The following RAD51 variants were observed in gnomAD, a reference collection of about 807,000 sequenced individuals.
The protein encoded by RAD51 is DNA repair protein RAD51 homolog 1.
RAD51 carries 14 observed loss-of-function variants against 41.5 expected under a neutral mutation model. The ratio of observed to expected loss-of-function variants is 0.34; its 90% confidence interval spans 0.22 to 0.53. RAD51 has a LOEUF of 0.53. Among genes scored for constraint, RAD51 ranks in the 20% least tolerant of loss-of-function variants. RAD51 has a pLI of 0.95. For synonymous variants in RAD51, 136 were observed against 148.6 expected, an observed-to-expected ratio of 0.92 and a Z score of 0.62; for missense variants, 234 against 422.0, an observed-to-expected ratio of 0.55 and a Z score of 3.90.
chr15:40,716,514 C>T (rs1173737320), intron 5 of RAD51, among the ~76,000 whole-genome samples: 1 of 151,902 alleles, frequency 6.6e-6, no homozygotes, highest in African/African-American at 2.4e-5. Context: ...TACAGGTGTG[C>T]ACCACCACGC....
chr15:40,725,019 C>G (rs1447231422), intron 6 of RAD51, among the ~76,000 whole-genome samples: 1 of 151,224 alleles, frequency 6.6e-6, no homozygotes, highest in Non-Finnish European at 1.5e-5. Flanking sequence ...CCTGCCTCAG[C>G]CTCCCCAGTA....
In RAD51 at chr15:40,703,723, G is replaced by A. The variant is rs45501498; in HGVS notation, c.226-2454G>A. 2.1e-4 allele frequency among the ~76,000 whole-genome samples: 32 copies of A among 151,266 alleles called. 1 individual carries two copies. Among genetic ancestry groups the A allele is most frequent in the African/African-American group, 7.5e-4 (31 of 41,258 alleles). On this transcript the variant is annotated intron_variant, in intron 3 of 9. Transcript: ENST00000267868. Reference sequence around the variant, plus strand: ...TTTGAGTCTTTTCTCTTTTTTTCTCGGGCAATGCAGCTAAAAGTTTGTCAA... The same window carrying A: ...TTTGAGTCTTTTCTCTTTTTTTCTCAGGCAATGCAGCTAAAAGTTTGTCAA...
In RAD51 at chr15:40,731,725, T is replaced by A. The variant is rs569462838; in HGVS notation, c.*547T>A. The A allele has an allele frequency of 3.5e-5, 8 of 226,102 alleles. No individual in the cohort carries two copies. Among genetic ancestry groups the A allele is most frequent in the Admixed American group, 1.1e-4 (2 of 18,888 alleles). The allele number at this position is 226,102 out of a possible 1,614,324, so 14.0% of individuals were successfully genotyped here. A position where few individuals can be genotyped will look rare whatever the true frequency, so the allele number is the denominator to read the frequency against. On this transcript the variant is annotated 3_prime_UTR_variant, in exon 10 of 10. Coordinates refer to ENST00000267868, the MANE Select transcript of RAD51 (RefSeq NM_002875.5). ...GCCAAACCTACTAGGCCATTAGCCC[T>A]TCACCATCTACCTGCTTGGTCTTTC...
rs766971181 is a variant in RAD51 at position 40,728,807 on chromosome 15, C to G, written c.627C>G (p.Ala209=). 2 of 1,612,710 alleles carry G rather than the reference C, an allele frequency of 1.2e-6. No individual in the cohort carries two copies. The highest frequency in any genetic ancestry group is 1.7e-6 in the Non-Finnish European group (2 of 1,178,840). Residue 209 remains alanine (A), a synonymous_variant, in exon 7 of 10, where the codon GCC becomes GCG. Transcript: ENST00000267868. ...HQTQLLYQAS[A]MMVESRYALL... ...CCCAGCTCCTTTATCAAGCATCAGC[C>G]ATGATGGTAGAATCTAGGTATGTGT... is the stretch of plus-strand genomic sequence containing the variant.
intron 6 of RAD51, among the ~76,000 whole-genome samples, chr15:40,722,881 C>T (rs2412549): frequency 0.54 from 82,714 of 151,936 alleles, 22,918 homozygotes; most frequent in East Asian, 0.77. Context: ...TTAAAAACTT[C>T]TGTGCTTCAA....
chr15:40,698,208 G>C (rs1393981609), intron 1 of RAD51, among the ~76,000 whole-genome samples: 1 of 98,216 alleles, frequency 1.0e-5, no homozygotes, highest in Non-Finnish European at 2.1e-5. Context: ...TTTTTTTTTT[G>C]AGACACAGTC....
At chr15:40,707,749 G>T (rs1895443140) in intron 4 of RAD51, among the ~76,000 whole-genome samples, 1 of 151,854 alleles carries the variant, frequency 6.6e-6, no homozygotes, top group Non-Finnish European at 1.5e-5. Context: ...ACAGAGTCTT[G>T]CTCTGTTGCC....
chr15:40,722,999 T>C (rs1437382219), intron 6 of RAD51, among the ~76,000 whole-genome samples: 2 of 152,180 alleles, frequency 1.3e-5, no homozygotes, highest in Non-Finnish European at 2.9e-5. Flanking sequence ...AGAACTATTA[T>C]AACCCAACAA....
intron 6 of RAD51, 61 bp downstream of exon 6, chr15:40,718,960 G>A: frequency 6.8e-7 from 1 of 1,466,718 alleles, no homozygotes; most frequent in Non-Finnish European, 9.5e-7. Context: ...GTGATTGCCA[G>A]GGTTAGTTTG....
intron 4 of RAD51, among the ~76,000 whole-genome samples, chr15:40,708,736 C>A (rs530441875): frequency 1.2e-4 from 18 of 151,354 alleles, no homozygotes; most frequent in African/African-American, 4.4e-4. Context: ...GCATCCGCCA[C>A]CATGCCCGGC....
At chr15:40,708,720 C>G (rs45466791) in intron 4 of RAD51, among the ~76,000 whole-genome samples, 1 of 151,960 alleles carries the variant, frequency 6.6e-6, no homozygotes, top group Admixed American at 6.6e-5. Context: ...GTAGCTGGTA[C>G]TACAGGCATC....
At position 40,704,108 on chromosome 15, in the gene RAD51, T is replaced by A. The variant is rs1235057640; in HGVS notation, c.226-2069T>A. ...TTTTATTTTTGAGACGGAGTCTCCCTCTGTGCCCAGGCTGGAGTGCAGTGG... is the reference window on the plus strand; with the variant it reads ...TTTTATTTTTGAGACGGAGTCTCCCACTGTGCCCAGGCTGGAGTGCAGTGG... On this transcript the variant is annotated intron_variant, in intron 3 of 9. Coordinates refer to ENST00000267868, the MANE Select transcript of RAD51 (RefSeq NM_002875.5). 2.0e-5 allele frequency among the ~76,000 whole-genome samples: 3 copies of A among 151,912 alleles called. No individual in the cohort carries two copies. In the East Asian group the frequency reaches 5.8e-4, roughly 29 times the overall value.
At chr15:40,704,177 G>C (rs539928654) in intron 3 of RAD51, among the ~76,000 whole-genome samples, 1 of 150,702 alleles carries the variant, frequency 6.6e-6, no homozygotes. Flanking sequence ...GGGTTCAAGC[G>C]ATTCTCCTGC....
chr15:40,730,006 C>T (rs747676134), intron 9 of RAD51, 32 bp downstream of exon 9: 20 of 1,610,208 alleles, frequency 1.2e-5, no homozygotes, highest in East Asian at 4.5e-5. Context: ...TTCTTCTTTT[C>T]GGAATGTCAT....
chr15:40,699,096 A>C (rs1033321409), intron 2 of RAD51, among the ~76,000 whole-genome samples: 2 of 152,162 alleles, frequency 1.3e-5, no homozygotes, highest in Non-Finnish European at 2.9e-5. Flanking sequence ...GGACTGTCAG[A>C]AACTAAGGCC....
At position 40,728,738 on chromosome 15, in the gene RAD51, G is replaced by A. The variant is rs747560572; in HGVS notation, c.558G>A (p.Leu186=). The A allele has an allele frequency of 6.2e-7, 1 of 1,614,040 alleles. No homozygotes were observed. The highest frequency in any genetic ancestry group is 8.5e-7 in the Non-Finnish European group (1 of 1,179,970). The part of the protein sequence containing the change: ...ERYGLSGSDV[L]DNVAYARAFN... ...ATGGTCTCTCTGGCAGTGATGTCCTGGATAATGTAGCATATGCTCGAGCGT... is the reference window on the plus strand; with the variant it reads ...ATGGTCTCTCTGGCAGTGATGTCCTAGATAATGTAGCATATGCTCGAGCGT... The change falls in exon 7 of 10, where the codon CTG becomes CTA. Residue 186 remains leucine (L), a synonymous_variant. Coordinates refer to ENST00000267868, the MANE Select transcript of RAD51 (RefSeq NM_002875.5).
chr15:40,730,074 G>C, intron 9 of RAD51, 100 bp downstream of exon 9: 1 of 1,479,100 alleles, frequency 6.8e-7, no homozygotes. Context: ...TAAAGCTACT[G>C]TTGTATAGAC....
At chr15:40,709,371 CTT>C (rs772005920) in intron 5 of RAD51, among the ~76,000 whole-genome samples, 259 of 110,872 alleles carry the variant, frequency 2.3e-3, no homozygotes, top group African/African-American at 8.1e-3. Context: ...TTACTTGCTA[CTT>C]TTTTTTTTTT....
chr15:40,704,669 AATTT>A (rs1895221923), intron 3 of RAD51, among the ~76,000 whole-genome samples: 1 of 91,068 alleles, frequency 1.1e-5, no homozygotes, highest in African/African-American at 4.8e-5. Flanking sequence ...ATGCCCTACT[AATTT>A]TTTTTTTTTT....
Sources: gnomAD v4.1 joint callset for allele counts (sites outside exome capture counted in the v4.1 genomes callset) on GRCh38, gnomAD v4.1.1 for gene constraint, MANE v1.5 for transcripts, NCBI Gene and HGNC (gene_info 2026-07-23, HGNC 2026-07-21) for gene names.